Variants in DNMBP observed in about 807,000 individuals in gnomAD.
The protein encoded by DNMBP is dynamin binding protein, also known as dynamin-binding protein.
Under a neutral mutation model 150.0 loss-of-function variants are expected in DNMBP, and 87 were observed. The ratio of observed to expected loss-of-function variants is 0.58; its 90% CI spans 0.49 to 0.69. The LOEUF (loss-of-function observed/expected upper bound fraction) is 0.69, where lower values mean the gene tolerates loss of function less well. DNMBP is among the 30% of genes least tolerant of loss of function. The pLI is 0.00. For missense variants in DNMBP, 1,774 were observed against 1,949.0 expected, an observed-to-expected ratio of 0.91 and a Z score of 1.69; for synonymous variants, 711 against 750.4, an observed-to-expected ratio of 0.95 and a Z score of 0.86.
intron 2 of DNMBP, among the ~76,000 whole-genome samples, chr10:99,971,000 G>GAAAAAAAAAAAAAAAAAAAAAAAAAAAAA (rs1554871865): frequency 8.9e-6 from 1 of 112,006 alleles, no homozygotes; most frequent in Admixed American, 9.4e-5. Context: ...AAAAAAAAAG[G>GAAAAAAAAAAAAAAAAAAAAAAAAAAAAA]AAAGCAGTAG....
chr10:99,965,763 C>T (rs1404598858), intron 3 of DNMBP, among the ~76,000 whole-genome samples: 2 of 152,188 alleles, frequency 1.3e-5, no homozygotes, highest in Non-Finnish European at 2.9e-5. Context: ...TCCCAAAGTG[C>T]TGGGATTACA....
Position 100,000,859 on chromosome 10 carries a change from CAAAAAAAAAAA to C in DNMBP, c.-11+8968_-11+8978del, listed in dbSNP as rs36026874. On this transcript the variant is annotated intron_variant, in intron 1 of 16. Transcript: ENST00000324109. ...TTTTAGAAAGTGACACCTGTTATGG[CAAAAAAAAAAA>C]AAAAAAAAAAAAAAAAACCCAGCAG... 7.8e-4 allele frequency among the ~76,000 whole-genome samples: 41 copies of C among 52,546 alleles called. 1 individual carries two copies. Among genetic ancestry groups the C allele is most frequent in the African/African-American group, 2.1e-3 (37 of 18,038 alleles). 34.5% of individuals were successfully genotyped at this position (52,546 alleles called of 152,430 possible).
intron 1 of DNMBP, among the ~76,000 whole-genome samples, chr10:99,995,629 G>A (rs779106690): frequency 6.6e-6 from 1 of 152,232 alleles, no homozygotes; most frequent in Non-Finnish European, 1.5e-5. Context: ...CATGGGGTGA[G>A]CTTTGAAGTG....
At chr10:99,967,668 G>GGTGTGTGTGTGTGTGTGTGTGTGTGTGT in intron 3 of DNMBP, among the ~76,000 whole-genome samples, 1 of 145,642 alleles carries the variant, frequency 6.9e-6, no homozygotes, top group East Asian at 2.0e-4. Context: ...GGTTTTTCTG[G>GGTGTGTGTGTGTGTGTGTGTGTGTGTGT]GTGTGTGTGT....
chr10:99,916,451 AT>A (rs1275091857), intron 4 of DNMBP, among the ~76,000 whole-genome samples: 3 of 152,252 alleles, frequency 2.0e-5, no homozygotes, highest in Non-Finnish European at 4.4e-5. Flanking sequence ...AAATAAAAAA[AT>A]AAATAAGTAA....
rs1458009349 is a variant in DNMBP, at chr10:99,896,255, T to A, written c.3051+12A>T. 6.2e-7 allele frequency: 1 copy of A among 1,613,634 alleles called. No individual in the cohort carries two copies. Among genetic ancestry groups the A allele is most frequent in the Non-Finnish European group, 8.5e-7 (1 of 1,179,656 alleles). ...CAAAGATGCGCTAAGCCTTCCAGGA[T>A]GGGGATCTCACCTGAGGAGCAAAGC... On this transcript the variant is annotated intron_variant, in intron 10 of 16. Transcript: ENST00000324109.
intron 12 of DNMBP, 142 bp from the exon 13 acceptor site, chr10:99,886,774 A>G: frequency 2.9e-6 from 2 of 692,234 alleles, no homozygotes; most frequent in Non-Finnish European, 2.4e-6. Context: ...ATACAGATCT[A>G]CAACAGTATT....
chr10:99,909,509 G>T (rs1436316571), intron 4 of DNMBP, among the ~76,000 whole-genome samples: 1 of 152,128 alleles, frequency 6.6e-6, no homozygotes, highest in Non-Finnish European at 1.5e-5. Context: ...CATGATCAAA[G>T]CACCAGAAAT....
chr10:99,938,891 A>G (rs944496660), intron 4 of DNMBP, among the ~76,000 whole-genome samples: 3 of 152,152 alleles, frequency 2.0e-5, no homozygotes, highest in Admixed American at 6.5e-5. Context: ...CTCACTTTAC[A>G]CAACAGTCAC....
chr10:99,989,155 C>T (rs1332378973), intron 1 of DNMBP, among the ~76,000 whole-genome samples: 5 of 152,128 alleles, frequency 3.3e-5, no homozygotes, highest in African/African-American at 1.2e-4. Context: ...TTATGTATAT[C>T]ATTAATAGTA....
chr10:99,968,351 C>T (rs1217624582), intron 3 of DNMBP, among the ~76,000 whole-genome samples: 1 of 152,066 alleles, frequency 6.6e-6, no homozygotes, highest in African/African-American at 2.4e-5. Context: ...TCTCCCTCCG[C>T]CCACGCCCCG....
At chr10:99,928,732 CATTCACTTAAG>C (rs1466711741) in intron 4 of DNMBP, among the ~76,000 whole-genome samples, 1 of 152,110 alleles carries the variant, frequency 6.6e-6, no homozygotes, top group Non-Finnish European at 1.5e-5. Context: ...CAGTACTCAT[CATTCACTTAAG>C]ATTCCTGAAT....
intron 6 of DNMBP, among the ~76,000 whole-genome samples, chr10:99,907,282 C>T (rs1419726472): frequency 6.6e-6 from 1 of 150,682 alleles, no homozygotes; most frequent in Admixed American, 6.6e-5. Context: ...GAGCTGAATT[C>T]GCACCACTGC....
intron 4 of DNMBP, among the ~76,000 whole-genome samples, chr10:99,946,834 C>T (rs2040362434): frequency 6.6e-6 from 1 of 151,820 alleles, no homozygotes; most frequent in Non-Finnish European, 1.5e-5. Context: ...ACTATGCATC[C>T]AACAAAGGCC....
At chr10:99,966,234 C>T (rs1350723937) in intron 3 of DNMBP, among the ~76,000 whole-genome samples, 1 of 152,110 alleles carries the variant, frequency 6.6e-6, no homozygotes, top group Non-Finnish European at 1.5e-5. Context: ...TGTTTACTGG[C>T]AGTAGATTAT....
intron 1 of DNMBP, among the ~76,000 whole-genome samples, chr10:100,000,740 C>T (rs1407819664): frequency 2.6e-5 from 4 of 151,446 alleles, no homozygotes; most frequent in Non-Finnish European, 4.4e-5. Context: ...AGGCACTGTT[C>T]GAGGTGGGCT....
intron 4 of DNMBP, among the ~76,000 whole-genome samples, chr10:99,952,552 A>T (rs1228130744): frequency 6.6e-6 from 1 of 152,190 alleles, no homozygotes; most frequent in Non-Finnish European, 1.5e-5. Flanking sequence ...CAGTACAAGC[A>T]ACCCAGCGGC....
rs749165171 is a variant in DNMBP, at chr10:99,898,128, T to C, written c.2878A>G (p.Ile960Val). The part of the protein sequence containing the change: ...LTNAVLAVKE[I>V]NVNINEYKRR... The stretch of plus-strand genomic sequence containing the variant: ...TTATATTCATTAATGTTAACGTTGA[T>C]TTCCTTGACCGCAAGGACTGCATTG... The change falls in exon 9 of 17, where the codon ATC becomes GTC. Residue 960 changes from isoleucine to valine, a missense_variant. Coordinates refer to ENST00000324109, the MANE Select transcript of DNMBP (RefSeq NM_015221.4). 1 of 1,614,180 alleles carries C rather than the reference T, an allele frequency of 6.2e-7. No homozygotes were observed. Among genetic ancestry groups the C allele is most frequent in the Non-Finnish European group, 8.5e-7 (1 of 1,180,030 alleles).
At chr10:99,964,883 A>AT (rs1209625929) in intron 3 of DNMBP, among the ~76,000 whole-genome samples, 1,919 of 127,558 alleles carry the variant, frequency 0.015, 44 homozygotes, top group African/African-American at 0.057. Context: ...GGAAAAAAAA[A>AT]AAATATATAT....
Sources: allele counts gnomAD v4.1 joint callset (sites outside exome capture counted in the v4.1 genomes callset), GRCh38; gene constraint gnomAD v4.1.1; transcripts MANE v1.5; gene names NCBI Gene and HGNC (gene_info 2026-07-23, HGNC 2026-07-21).